GRIN2B: variants seen among roughly 807,000 people sequenced by gnomAD.
GRIN2B encodes glutamate ionotropic receptor NMDA type subunit 2B.
Under a neutral mutation model 114.5 loss-of-function variants are expected in GRIN2B, and 5 were observed. The ratio of observed to expected loss-of-function variants is 0.04; its 90% confidence interval spans 0.02 to 0.09. The LOEUF (loss-of-function observed/expected upper bound fraction) is 0.09, where lower values mean the gene tolerates loss of function less well. Among genes scored for constraint, GRIN2B ranks in the 10% least tolerant of loss-of-function variants. GRIN2B has a pLI of 1.00. For missense variants in GRIN2B, 1,108 were observed against 1,943.5 expected (o/e 0.57, Z 8.08); for synonymous variants, 787 against 745.1 (o/e 1.06, Z -0.92).
intron 2 of GRIN2B, among the ~76,000 whole-genome samples, chr12:13,960,667 G>A (rs539696617): frequency 6.6e-6 from 1 of 152,254 alleles, no homozygotes; most frequent in Non-Finnish European, 1.5e-5. Flanking sequence ...GATCAGTAAA[G>A]GTTTTAGGGT....
At chr12:13,684,258 C>A (rs915914738) in intron 4 of GRIN2B, among the ~76,000 whole-genome samples, 1 of 152,080 alleles carries the variant, frequency 6.6e-6, no homozygotes, top group Admixed American at 6.6e-5. Context: ...CAAAATGATC[C>A]CCCTTCTGAC....
intron 4 of GRIN2B, among the ~76,000 whole-genome samples, chr12:13,736,054 T>TTTGCAATAGAA (rs1289483843): frequency 1.6e-4 from 24 of 150,344 alleles, no homozygotes; most frequent in Admixed American, 8.7e-4. Context: ...CACTTTTACC[T>TTTGCAATAGAA]TTGCAATAGA....
At chr12:13,810,667 C>T (rs1298072055) in intron 3 of GRIN2B, among the ~76,000 whole-genome samples, 4 of 152,156 alleles carry the variant, frequency 2.6e-5, no homozygotes, top group Non-Finnish European at 4.4e-5. Context: ...ATGTCTATAT[C>T]CCACTCCAAA....
intron 2 of GRIN2B, among the ~76,000 whole-genome samples, chr12:13,928,652 G>A (rs1866962745): frequency 6.6e-6 from 1 of 152,202 alleles, no homozygotes; most frequent in African/African-American, 2.4e-5. Context: ...TCCAGGAAGT[G>A]ATAGAAACAG....
intron 9 of GRIN2B, chr12:13,610,061 C>T (rs1949346759): frequency 6.6e-6 from 1 of 152,196 alleles, no homozygotes; most frequent in Non-Finnish European, 1.5e-5. Context: ...TTGCACAGGT[C>T]TTATGATGTA....
At chr12:13,579,666 A>G (rs950018724) in intron 10 of GRIN2B, among the ~76,000 whole-genome samples, 4 of 152,232 alleles carry the variant, frequency 2.6e-5, no homozygotes, top group African/African-American at 9.6e-5. Context: ...TGTTAGAAAA[A>G]GTCACCAGGT....
chr12:13,828,846 A>G (rs897014737), intron 3 of GRIN2B, among the ~76,000 whole-genome samples: 5 of 152,232 alleles, frequency 3.3e-5, no homozygotes, highest in Non-Finnish European at 7.3e-5. Context: ...GTTCCTGCTT[A>G]TAAACCTTCA....
intron 5 of GRIN2B, among the ~76,000 whole-genome samples, chr12:13,663,350 A>G (rs748469419): frequency 3.3e-5 from 5 of 152,182 alleles, no homozygotes; most frequent in African/African-American, 4.8e-5. Context: ...GAAAATTGGC[A>G]ATTCTTTAAG....
chr12:13,613,220 T>C (rs1382924469), intron 8 of GRIN2B, among the ~76,000 whole-genome samples: 1 of 152,224 alleles, frequency 6.6e-6, no homozygotes, highest in African/African-American at 2.4e-5. Flanking sequence ...CTGATTTCCC[T>C]TTTGTCTAAG....
chr12:13,684,144 G>A lies in GRIN2B; in HGVS notation c.1011-8285C>T, dbSNP rs78202002. On this transcript the variant is annotated intron_variant, in intron 4 of 13. Transcript: ENST00000609686. ...TACCCCTGTGAGGTTTTTTTGCAGT[G>A]GGCAGTCACTAAATCATACCACTTC... Among the ~76,000 whole-genome samples the A allele has an allele frequency of 4.5e-3, 677 of 151,998 alleles. 2 individuals are homozygous for A. The highest frequency in any genetic ancestry group is 0.014 in the African/African-American group (560 of 41,458).
chr12:13,753,975 T>A lies in GRIN2B; in HGVS notation c.412-60A>T. 9.1e-7 allele frequency: 1 copy of A among 1,104,696 alleles called. No individual in the cohort carries two copies. Among genetic ancestry groups the A allele is most frequent in the Non-Finnish European group, 1.4e-6 (1 of 724,280 alleles). The allele number at this position is 1,104,696 out of a possible 1,614,324, so 68.4% of individuals were successfully genotyped here. A position where few individuals can be genotyped will look rare whatever the true frequency, so the allele number is the denominator to read the frequency against. ...AAAAAAATCAAACCAAAGATGGTAA[T>A]GGAGATTTTGAACCAAGTGGGTACA... On this transcript the variant is annotated intron_variant, in intron 3 of 13. Coordinates refer to ENST00000609686, the MANE Select transcript of GRIN2B (RefSeq NM_000834.5). This position sits in a 1 kb window ranked among gnomAD's most constrained non-coding sequence, Gnocchi z 6.2.
chr12:13,758,998 A>AGTTTTTTTTTTTTTTTTTTT (rs771891565), intron 3 of GRIN2B, among the ~76,000 whole-genome samples: 1 of 85,600 alleles, frequency 1.2e-5, no homozygotes, highest in Non-Finnish European at 2.2e-5. Context: ...ATCTAGTTCA[A>AGTTTTTTTTTTTTTTTTTTT]TTTTTTTTTT....
chr12:13,923,807 A>G (rs1203246605), intron 2 of GRIN2B, among the ~76,000 whole-genome samples: 1 of 152,116 alleles, frequency 6.6e-6, no homozygotes, highest in African/African-American at 2.4e-5. Flanking sequence ...CAAAAGAGGA[A>G]ATAAAGTCTA....
intron 3 of GRIN2B, among the ~76,000 whole-genome samples, chr12:13,863,566 T>C (rs1161492099): frequency 1.3e-5 from 2 of 152,152 alleles, no homozygotes; most frequent in Non-Finnish European, 2.9e-5. Context: ...TTAAATAATA[T>C]CACTTAGGTC....
chr12:13,839,530 A>G (rs947610180), intron 3 of GRIN2B, among the ~76,000 whole-genome samples: 1 of 152,226 alleles, frequency 6.6e-6, no homozygotes, highest in African/African-American at 2.4e-5. Context: ...TAGCTCAACG[A>G]AGCACTCTCA....
In GRIN2B at chr12:13,772,609, G is replaced by A. The variant is rs543974923; in HGVS notation, c.412-18694C>T. Reference sequence around the variant, plus strand: ...AAGCACACACATAAAATAATGCAAAGTAATTCCTACTGATAAAGAAGCAGT... The same window carrying A: ...AAGCACACACATAAAATAATGCAAAATAATTCCTACTGATAAAGAAGCAGT... On this transcript the variant is annotated intron_variant, in intron 3 of 13. Coordinates refer to ENST00000609686, the MANE Select transcript of GRIN2B (RefSeq NM_000834.5). 5.3e-5 allele frequency among the ~76,000 whole-genome samples: 8 copies of A among 152,212 alleles called. No individual in the cohort carries two copies. The East Asian group carries it at 1.5e-3, about 29-fold the overall frequency.
chr12:13,756,140 C>T (rs753072081), intron 3 of GRIN2B, among the ~76,000 whole-genome samples: 3 of 152,158 alleles, frequency 2.0e-5, no homozygotes, highest in African/African-American at 4.8e-5. Context: ...CTCAGCCTCC[C>T]GAGTAGCTGG....
chr12:13,848,549 T>C (rs1211232330), intron 3 of GRIN2B, among the ~76,000 whole-genome samples: 4 of 152,128 alleles, frequency 2.6e-5, no homozygotes, highest in Non-Finnish European at 4.4e-5. Context: ...TAAAAGTAGA[T>C]TCTTTTCCAA....
chr12:13,663,266 T>C (rs551215214), intron 5 of GRIN2B, among the ~76,000 whole-genome samples: 1 of 152,312 alleles, frequency 6.6e-6, no homozygotes, highest in African/African-American at 2.4e-5. Flanking sequence ...TTAAACCACT[T>C]TCCCTTGCAG....
Sources: gnomAD v4.1 joint callset for allele counts (sites outside exome capture counted in the v4.1 genomes callset) on GRCh38, gnomAD v4.1.1 for gene constraint, Gnocchi (gnomAD v3.1) non-coding constraint, MANE v1.5 for transcripts, NCBI Gene and HGNC (gene_info 2026-07-23, HGNC 2026-07-21) for gene names.